The following RMI1 variants were observed in gnomAD, a reference collection of about 807,000 sequenced individuals.
RMI1 encodes the protein RecQ mediated genome instability 1.
In RMI1, 36 loss-of-function variants were observed where a neutral mutation model predicts 46.7. That is an observed-to-expected ratio of 0.77 (90% CI 0.59 to 1.02). The LOEUF is 1.02. RMI1 is among the 50% of genes least tolerant of loss of function. The pLI is 0.00. For missense variants in RMI1, 676 were observed against 713.7 expected, an observed-to-expected ratio of 0.95 and a Z score of 0.60; for synonymous variants, 250 against 252.9, an observed-to-expected ratio of 0.99 and a Z score of 0.11.
chr9:84,003,707 A>G lies in RMI1; in HGVS notation c.*843A>G, dbSNP rs891757151. The G allele has an allele frequency of 6.0e-6, 1 of 166,562 alleles. No individual in the cohort carries two copies. The highest frequency in any genetic ancestry group is 2.4e-5 in the African/African-American group (1 of 41,470). 10.3% of individuals were successfully genotyped at this position (166,562 alleles called of 1,614,324 possible). A position where few individuals can be genotyped will look rare whatever the true frequency, so the allele number is the denominator to read the frequency against. ...TATTTAAGGTAATCTAGTTAACTAG[A>G]TGCTATTTCATAGATTATATTGAAT... On this transcript the variant is annotated 3_prime_UTR_variant, in exon 3 of 3. Transcript: ENST00000445877.
At position 84,002,288 on chromosome 9, in the gene RMI1, T is replaced by C; in HGVS notation, c.1302T>C (p.Asp434=). ...DNKIKQTSSS[D]SHSLNNKILN... ...AAATAAAACAAACCAGCAGTTCAGA[T>C]AGCCATTCCTTAAATAATAAAATAT... The change falls in exon 3 of 3, where the codon GAT becomes GAC. Residue 434 remains aspartate, a synonymous_variant. Coordinates refer to ENST00000445877, the MANE Select transcript of RMI1 (RefSeq NM_001358291.2). 6.2e-7 allele frequency: 1 copy of C among 1,602,974 alleles called. No homozygotes were observed. Among genetic ancestry groups the C allele is most frequent in the Non-Finnish European group, 8.5e-7 (1 of 1,172,488 alleles).
intron 1 of RMI1, among the ~76,000 whole-genome samples, chr9:83,992,288 A>G (rs1480724344): frequency 1.3e-5 from 2 of 152,198 alleles, no homozygotes; most frequent in African/African-American, 2.4e-5. Context: ...TTTAATATAT[A>G]TCATTGAATC....
chr9:83,982,444 A>G (rs1957428105), intron 1 of RMI1, among the ~76,000 whole-genome samples: 1 of 152,070 alleles, frequency 6.6e-6, no homozygotes, highest in African/African-American at 2.4e-5. Flanking sequence ...CGGGCGGACC[A>G]CAAGGTCAGG....
At position 84,002,587 on chromosome 9, in the gene RMI1, T is replaced by A. The variant is rs1459864010; in HGVS notation, c.1601T>A (p.Val534Glu). 2 of 1,613,938 alleles carry A rather than the reference T, an allele frequency of 1.2e-6. No homozygotes were observed. Among genetic ancestry groups the A allele is most frequent in the Admixed American group, 1.7e-5 (1 of 60,000 alleles). ...GGTATTTGGAGTATAACTGCAAAGGTGTCTGATGGTACTGCATATCTAGAT... is the reference window on the plus strand; with the variant it reads ...GGTATTTGGAGTATAACTGCAAAGGAGTCTGATGGTACTGCATATCTAGAT... Reference protein sequence around the residue: ...SGGIWSITAKVSDGTAYLDVD... With the variant: ...SGGIWSITAKESDGTAYLDVD... Residue 534 changes from valine to glutamate, a missense_variant, in exon 3 of 3, where the codon GTG (valine) becomes GAG (glutamate). Coordinates refer to ENST00000445877, the MANE Select transcript of RMI1 (RefSeq NM_001358291.2).
chr9:83,981,969 G>GT (rs1957412550), intron 1 of RMI1, among the ~76,000 whole-genome samples: 1 of 152,120 alleles, frequency 6.6e-6, no homozygotes, highest in Admixed American at 6.5e-5. Context: ...CATAATGTCC[G>GT]GGATTGTGGA....
rs942398834 is a variant in RMI1 at position 83,980,860 on chromosome 9, G to C, written c.-157G>C. ...CTTACAGTTGCGCTGCCCAGGGACC[G>C]ATGTTGCGCGAGGAAAATGCGGGAC... On this transcript the variant is annotated 5_prime_UTR_variant, in exon 1 of 3. Coordinates refer to ENST00000445877, the MANE Select transcript of RMI1 (RefSeq NM_001358291.2). 2 of 152,394 alleles carry C rather than the reference G, an allele frequency of 1.3e-5. No homozygotes were observed. Among genetic ancestry groups the C allele is most frequent in the Non-Finnish European group, 2.9e-5 (2 of 68,170 alleles). The allele number at this position is 152,394 out of a possible 1,614,324, so 9.4% of individuals were successfully genotyped here. A position where few individuals can be genotyped will look rare whatever the true frequency, so the allele number is the denominator to read the frequency against.
chr9:83,983,442 T>C (rs989909165), intron 1 of RMI1, among the ~76,000 whole-genome samples: 2 of 152,186 alleles, frequency 1.3e-5, no homozygotes, highest in African/African-American at 4.8e-5. Flanking sequence ...AGGATTACCT[T>C]GAACTCATCC....
intron 1 of RMI1, among the ~76,000 whole-genome samples, chr9:83,981,614 A>T (rs980870391): frequency 7.2e-5 from 11 of 152,292 alleles, no homozygotes; most frequent in African/African-American, 2.4e-4. Flanking sequence ...CGCTTTCCAC[A>T]TCCTTACTCG....
At chr9:83,995,231 C>A (rs1441433604) in intron 1 of RMI1, among the ~76,000 whole-genome samples, 1 of 152,074 alleles carries the variant, frequency 6.6e-6, no homozygotes, top group Non-Finnish European at 1.5e-5. Context: ...GAACTCCTGA[C>A]CTCATGATCC....
intron 1 of RMI1, among the ~76,000 whole-genome samples, chr9:83,986,854 T>C (rs1468077099): frequency 6.6e-6 from 1 of 152,246 alleles, no homozygotes; most frequent in Non-Finnish European, 1.5e-5. Context: ...TTCATTTCTT[T>C]TGAAGTTTCA....
In RMI1 at chr9:84,001,000, G is replaced by C; in HGVS notation, c.14G>C (p.Ser5Thr). ...TATTTAAAAGAAATGAATGTGACTA[G>C]TATTGCATTAAGAGCTGAAACTTGG... MNVT[S>T]IALRAETWLL... Residue 5 changes from serine (S) to threonine (T), a missense_variant, in exon 3 of 3, where the codon AGT becomes ACT. By Grantham distance (58) the Ser-to-Thr change is moderately conservative. Transcript: ENST00000445877. 3.1e-6 allele frequency: 5 copies of C among 1,606,484 alleles called. No individual in the cohort carries two copies. Among genetic ancestry groups the C allele is most frequent in the Non-Finnish European group, 3.4e-6 (4 of 1,176,780 alleles).
At chr9:84,000,067 C>G (rs1957715855) in intron 2 of RMI1, among the ~76,000 whole-genome samples, 1 of 152,090 alleles carries the variant, frequency 6.6e-6, no homozygotes, top group South Asian at 2.1e-4. Context: ...TATCTTTAGA[C>G]CACATATTCA....
At chr9:83,993,587 A>G (rs990751703) in intron 1 of RMI1, among the ~76,000 whole-genome samples, 1 of 152,118 alleles carries the variant, frequency 6.6e-6, no homozygotes, top group Non-Finnish European at 1.5e-5. Context: ...TCACCATTTT[A>G]TAATAATATT....
At chr9:83,993,167 C>A (rs1298228878) in intron 1 of RMI1, 1 of 152,204 alleles carries the variant, frequency 6.6e-6, no homozygotes, top group African/African-American at 2.4e-5. Context: ...TCCCTCCCCA[C>A]AACACTTGAC....
At chr9:83,986,061 A>G (rs1564078904) in intron 1 of RMI1, among the ~76,000 whole-genome samples, 1 of 152,356 alleles carries the variant, frequency 6.6e-6, no homozygotes, top group East Asian at 1.9e-4. Context: ...GGAATTAAAA[A>G]AAAATTAAAA....
chr9:83,999,188 T>TAAA (rs113984540), intron 1 of RMI1, among the ~76,000 whole-genome samples: 23 of 149,452 alleles, frequency 1.5e-4, no homozygotes, highest in Admixed American at 2.7e-4. Flanking sequence ...TAAAATAAAA[T>TAAA]AAAAAAAAAT....
chr9:83,994,569 T>C (rs576932873), intron 1 of RMI1, among the ~76,000 whole-genome samples: 5 of 152,312 alleles, frequency 3.3e-5, no homozygotes, highest in African/African-American at 1.2e-4. Context: ...TTTTCCATTG[T>C]GGAGTCTTGG....
chr9:83,984,852 C>T (rs948191510), intron 1 of RMI1, among the ~76,000 whole-genome samples: 4 of 152,178 alleles, frequency 2.6e-5, no homozygotes, highest in Non-Finnish European at 5.9e-5. Flanking sequence ...TGTGAGCCAC[C>T]GCACCCAGCC....
intron 1 of RMI1, among the ~76,000 whole-genome samples, chr9:83,998,816 G>T (rs61708723): frequency 0.034 from 5,104 of 152,214 alleles, 264 homozygotes; most frequent in African/African-American, 0.11. Context: ...GAGCAGTGTA[G>T]AACTTATCCA....
Sources: gnomAD v4.1 joint callset for allele counts (sites outside exome capture counted in the v4.1 genomes callset) on GRCh38, gnomAD v4.1.1 for gene constraint, MANE v1.5 for transcripts, NCBI Gene and HGNC (gene_info 2026-07-23, HGNC 2026-07-21) for gene names.